Variants in HHLA2 observed in about 807,000 individuals in gnomAD.
The protein encoded by HHLA2 is HHLA2 member of B7 family.
A neutral mutation model predicts 45.9 loss-of-function variants in HHLA2; 48 were observed. The observed-to-expected ratio is 1.05, with a 90% confidence interval of 0.83 to 1.33. HHLA2 has a LOEUF of 1.33. HHLA2 is among the 40% of genes most tolerant of loss of function. The probability of loss-of-function intolerance (pLI) is 0.00; values close to 1 mark genes in which losing one functional copy is unlikely to be tolerated. For synonymous variants in HHLA2, 161 were observed against 173.9 expected (o/e 0.93, Z 0.59); for missense variants, 462 against 494.3 (o/e 0.93, Z 0.62).
chr3:108,367,572 G>A (rs2082084892), intron 8 of HHLA2, among the ~76,000 whole-genome samples: 2 of 151,912 alleles, frequency 1.3e-5, no homozygotes, highest in Non-Finnish European at 2.9e-5. Flanking sequence ...ACAAGTATCA[G>A]TAGCCGAATC....
At chr3:108,357,862 A>G (rs1201947592) in exon 7 of HHLA2, 1 of 1,606,226 alleles carries the variant, frequency 6.2e-7, no homozygotes, top group South Asian at 1.1e-5. Flanking sequence ...CATAAAATGC[A>G]AAGTGAACAC....
intron 3 of HHLA2, among the ~76,000 whole-genome samples, chr3:108,340,875 TA>T (rs2081553397): frequency 6.9e-6 from 1 of 144,960 alleles, no homozygotes; most frequent in African/African-American, 2.5e-5. Context: ...TCCTGGAGAG[TA>T]AAATAGCCAA....
In HHLA2 at chr3:108,338,016, T is replaced by G. The variant is rs1184487081; in HGVS notation, c.-27+9669T>G. ...CTCACCAATAATATAAGCCACTGTC[T>G]CCAGGTATTTTTCTCAGAACTGAAT... On this transcript the variant is annotated intron_variant, in intron 3 of 10. Transcript: ENST00000619531. 2.0e-5 allele frequency among the ~76,000 whole-genome samples: 3 copies of G among 152,100 alleles called. No homozygotes were observed. In the East Asian group the frequency reaches 5.8e-4, roughly 29 times the overall value.
At chr3:108,318,768 G>A (rs188106518) in intron 2 of HHLA2, among the ~76,000 whole-genome samples, 1 of 152,280 alleles carries the variant, frequency 6.6e-6, no homozygotes, top group Admixed American at 6.5e-5. Context: ...GCTATAAGTT[G>A]TGTTGATCCT....
chr3:108,336,899 G>C (rs2081480979), intron 3 of HHLA2, among the ~76,000 whole-genome samples: 2 of 152,090 alleles, frequency 1.3e-5, no homozygotes, highest in African/African-American at 4.8e-5. Flanking sequence ...CTGGCTTGGG[G>C]ATAAATGGCA....
chr3:108,377,145 C>A (rs1576193785), intron 10 of HHLA2, 113 bp from the exon 10 acceptor site: 1 of 693,742 alleles, frequency 1.4e-6, no homozygotes, highest in South Asian at 1.7e-5. Context: ...AAGCAATAGA[C>A]TAAAGCTTTT....
intron 3 of HHLA2, among the ~76,000 whole-genome samples, chr3:108,336,360 G>T (rs1354793067): frequency 6.6e-6 from 1 of 152,148 alleles, no homozygotes; most frequent in Non-Finnish European, 1.5e-5. Context: ...AAAAGACATG[G>T]ATCTAGGAAC....
At chr3:108,300,497 A>G (rs1168004174) in intron 1 of HHLA2, among the ~76,000 whole-genome samples, 3 of 152,330 alleles carry the variant, frequency 2.0e-5, no homozygotes, top group African/African-American at 7.2e-5. Context: ...TGAGCCAATA[A>G]TAGGAAAAGC....
At chr3:108,297,577 G>T (rs560857750) in intron 1 of HHLA2, among the ~76,000 whole-genome samples, 1 of 152,232 alleles carries the variant, frequency 6.6e-6, no homozygotes, top group South Asian at 2.1e-4. Context: ...CAAAGTGCCT[G>T]GTATGTAGAA....
At chr3:108,310,205 G>A (rs965815756) in intron 1 of HHLA2, among the ~76,000 whole-genome samples, 1 of 151,894 alleles carries the variant, frequency 6.6e-6, no homozygotes, top group African/African-American at 2.4e-5. Context: ...TTTTTCCAGA[G>A]AGAAATTAGG....
At position 108,340,167 on chromosome 3, in the gene HHLA2, T is replaced by C. The variant is rs2081539882; in HGVS notation, c.-26-11621T>C. The stretch of plus-strand genomic sequence containing the variant: ...TAGGGAAAGATAGGAAGGGAGAGAA[T>C]TGAGGCAAGGAGGAATTGCCAGAGA... On this transcript the variant is annotated intron_variant, in intron 3 of 10. Transcript: ENST00000619531. 2.0e-5 allele frequency among the ~76,000 whole-genome samples: 3 copies of C among 152,100 alleles called. 1 individual carries two copies. Among genetic ancestry groups the C allele is most frequent in the African/African-American group, 7.2e-5 (3 of 41,486 alleles).
intron 3 of HHLA2, among the ~76,000 whole-genome samples, chr3:108,334,351 A>C (rs1052798226): frequency 6.6e-6 from 1 of 152,224 alleles, no homozygotes; most frequent in African/African-American, 2.4e-5. Flanking sequence ...AAGTGTCATC[A>C]GTGCTGTATC....
In HHLA2 at chr3:108,335,716, G is replaced by A. The variant is rs117708768; in HGVS notation, c.-27+7369G>A. 1.2e-4 allele frequency among the ~76,000 whole-genome samples: 18 copies of A among 152,210 alleles called. No individual in the cohort carries two copies. In the East Asian group the frequency reaches 2.3e-3, roughly 20 times the overall value. ...GAAAAGGAGGCTGAACTGACCTGACGGTATGAATGCGTATTCATGTGATTG... is the reference window on the plus strand; with the variant it reads ...GAAAAGGAGGCTGAACTGACCTGACAGTATGAATGCGTATTCATGTGATTG... On this transcript the variant is annotated intron_variant, in intron 3 of 10. Coordinates refer to ENST00000619531, the Ensembl canonical transcript of HHLA2.
At chr3:108,363,937 C>T (rs370378302) in intron 8 of HHLA2, among the ~76,000 whole-genome samples, 10 of 151,668 alleles carry the variant, frequency 6.6e-5, no homozygotes, top group South Asian at 4.2e-4. Flanking sequence ...GAGAGAGTCA[C>T]GTAAGATTAG....
intron 3 of HHLA2, among the ~76,000 whole-genome samples, chr3:108,333,201 C>G (rs1326895334): frequency 6.6e-6 from 1 of 152,180 alleles, no homozygotes; most frequent in African/African-American, 2.4e-5. Flanking sequence ...GATGAAGCAT[C>G]CCGACTTCAT....
chr3:108,359,843 C>G (rs1302005169), intron 7 of HHLA2, among the ~76,000 whole-genome samples: 1 of 152,152 alleles, frequency 6.6e-6, no homozygotes, highest in African/African-American at 2.4e-5. Flanking sequence ...ATGCCTGAAA[C>G]TATGGACAGT....
intron 1 of HHLA2, among the ~76,000 whole-genome samples, chr3:108,306,525 G>A (rs2080933107): frequency 6.6e-6 from 1 of 152,054 alleles, no homozygotes; most frequent in South Asian, 2.1e-4. Context: ...TGTGTGTGAA[G>A]GTTTTAAACT....
At chr3:108,304,113 A>G (rs1036543943) in intron 1 of HHLA2, among the ~76,000 whole-genome samples, 1 of 152,100 alleles carries the variant, frequency 6.6e-6, no homozygotes, top group Non-Finnish European at 1.5e-5. Flanking sequence ...CTCTCTGTTC[A>G]ATGTATCATT....
chr3:108,323,755 A>G (rs1166265503), intron 2 of HHLA2, among the ~76,000 whole-genome samples: 1 of 152,180 alleles, frequency 6.6e-6, no homozygotes, highest in Non-Finnish European at 1.5e-5. Flanking sequence ...TTTACCCTAA[A>G]TTTGCTTCCA....
Sources: allele counts gnomAD v4.1 joint callset (sites outside exome capture counted in the v4.1 genomes callset), GRCh38; gene constraint gnomAD v4.1.1; transcripts MANE v1.5; gene names NCBI Gene and HGNC (gene_info 2026-07-23, HGNC 2026-07-21).